RNF213: variants seen among roughly 807,000 people sequenced by gnomAD.
RNF213 encodes the protein ring finger protein 213, also known as E3 ubiquitin-protein ligase RNF213.
RNF213 carries 341 observed loss-of-function variants against 514.4 expected under a neutral mutation model. The observed-to-expected ratio is 0.66, with a 90% CI of 0.61 to 0.73. The LOEUF is 0.73. Among genes scored for constraint, RNF213 ranks in the 30% least tolerant of loss-of-function variants. The pLI is 0.00. For synonymous variants in RNF213, 2,655 were observed against 2,658.2 expected (o/e 1.00, Z 0.04); for missense variants, 5,767 against 6,615.6 (o/e 0.87, Z 4.45).
chr17:80,362,989 C>G (rs115641751), intron 39 of RNF213, 113 bp from the exon 40 acceptor site: 1 of 1,020,598 alleles, frequency 9.8e-7, no homozygotes, highest in Non-Finnish European at 1.5e-6. Context: ...GAATAGCACA[C>G]ATGGTTTCTA....
intron 44 of RNF213, 123 bp downstream of exon 44, chr17:80,368,266 T>C (rs2079360109): frequency 9.4e-7 from 1 of 1,068,052 alleles, no homozygotes; most frequent in East Asian, 2.4e-5. Flanking sequence ...CTCAGAGAAC[T>C]ATCATAAGAG....
chr17:80,384,933 G>T (rs946583926), intron 59 of RNF213, 106 bp from the exon 60 acceptor site: 23 of 1,215,002 alleles, frequency 1.9e-5, no homozygotes, highest in Middle Eastern at 2.0e-4. Context: ...ACACTGACCA[G>T]ATTAAGCTAC....
intron 1 of RNF213, 60 bp downstream of exon 1, chr17:80,260,962 C>CGCGGGCCG (rs1192542757): frequency 6.7e-6 from 1 of 150,034 alleles, no homozygotes; most frequent in African/African-American, 2.4e-5. Flanking sequence ...CAGTGGGCCC[C>CGCGGGCCG]GCGGGCCGGC....
intron 38 of RNF213, among the ~76,000 whole-genome samples, chr17:80,361,326 C>A (rs1303488311): frequency 6.6e-6 from 1 of 152,178 alleles, no homozygotes; most frequent in African/African-American, 2.4e-5. Flanking sequence ...CGAGACCAGC[C>A]TGACCAACAT....
intron 8 of RNF213, chr17:80,292,156 C>G: frequency 2.5e-6 from 1 of 397,412 alleles, no homozygotes; most frequent in Non-Finnish European, 4.8e-6. Context: ...GCGATCTCGG[C>G]TCACTGCAAC....
At position 80,398,163 on chromosome 17, in the gene RNF213, T is replaced by C. The variant is rs548012266; in HGVS notation, c.*4665T>C. 3.9e-5 allele frequency: 6 copies of C among 152,110 alleles called. No individual in the cohort carries two copies. The highest frequency in any genetic ancestry group is 6.6e-5 in the Admixed American group (1 of 15,248). 9.4% of individuals were successfully genotyped at this position (152,110 alleles called of 1,614,324 possible). ...TGTTTTTGACTTGACTTGGATTGCT[T>C]GATACTTTGGTTTTGGTTTTGACCT... is the stretch of plus-strand genomic sequence containing the variant. On this transcript the variant is annotated 3_prime_UTR_variant, in exon 68 of 68. Transcript: ENST00000582970.
In RNF213 at chr17:80,371,908, T is replaced by G. The variant is rs777962336; in HGVS notation, c.12460T>G (p.Leu4154Val). The G allele has an allele frequency of 1.8e-5, 28 of 1,568,030 alleles. No individual in the cohort carries two copies. Among genetic ancestry groups the G allele is most frequent in the Non-Finnish European group, 2.5e-5 (28 of 1,138,000 alleles). ...TGTAAAAGATTATATTCAGGAATAT[T>G]TGACCCTGTTAAAAAAGAAAGCATT... Reference protein sequence around the residue: ...HDVKDYIQEYLTLLKKKAFIT... With the variant: ...HDVKDYIQEYVTLLKKKAFIT... Residue 4154 changes from leucine (L) to valine (V), a missense_variant, in exon 47 of 68, where the codon TTG becomes GTG. By Grantham distance (32) the Leu-to-Val change is conservative (BLOSUM62 1). This residue lies in a region of RNF213 where 1,245 missense variants were observed against 1,339.0 expected (regional missense o/e 0.93). Coordinates refer to ENST00000582970, the MANE Select transcript of RNF213 (RefSeq NM_001256071.3).
rs74900260 is a variant in RNF213 at position 80,283,167 on chromosome 17, A to G, written c.262-4648A>G. ...TCAAAGAAGACTATGAAACTGTTCAATGGAAAAGCAGACAGCAGGAGGCAC... is the reference window on the plus strand; with the variant it reads ...TCAAAGAAGACTATGAAACTGTTCAGTGGAAAAGCAGACAGCAGGAGGCAC... On this transcript the variant is annotated intron_variant, in intron 3 of 67. Transcript: ENST00000582970. 2.6e-5 allele frequency among the ~76,000 whole-genome samples: 4 copies of G among 152,072 alleles called. No homozygotes were observed. The East Asian group carries it at 5.8e-4, about 22-fold the overall frequency.
In RNF213 at chr17:80,345,792, T is replaced by C. The variant is rs1367207505; in HGVS notation, c.7457T>C (p.Phe2486Ser). The C allele has an allele frequency of 2.5e-6, 4 of 1,614,186 alleles. No individual in the cohort carries two copies. Among genetic ancestry groups the C allele is most frequent in the Non-Finnish European group, 3.4e-6 (4 of 1,180,038 alleles). ...DQHQLDTILF[F>S]DEANTTEAIS... ...CATCAGTTGGACACCATCTTGTTTT[T>C]TGATGAAGCCAACACAACGGAAGCT... is the stretch of plus-strand genomic sequence containing the variant. Residue 2486 changes from phenylalanine (F) to serine (S), a missense_variant, in exon 29 of 68, where the codon TTT (phenylalanine) becomes TCT (serine). Physicochemically the swap from Phe to Ser is radical, Grantham distance 155. Coordinates refer to ENST00000582970, the MANE Select transcript of RNF213 (RefSeq NM_001256071.3). This position sits in a 1 kb window ranked among gnomAD's most constrained non-coding sequence, Gnocchi z 6.0.
rs376523817 is a variant in RNF213 at position 80,367,759 on chromosome 17, G to T, written c.11883G>T (p.Glu3961Asp). ...CTGCCTTTCTTCAGTGTCTTCGAGA[G>T]AACTCTGACGTGAAGACGCACGGGC... ...HVFLLDKCLR[E>D]NSDVKTHGPF... Residue 3961 changes from glutamate to aspartate, a missense_variant, in exon 43 of 68, where the codon GAG becomes GAT. Glu to Asp is a conservative substitution (Grantham distance 45, BLOSUM62 2). This residue lies in a region of RNF213 where 355 missense variants were observed against 358.0 expected (regional missense o/e 0.99). Transcript: ENST00000582970. The T allele has an allele frequency of 2.3e-4, 368 of 1,613,926 alleles. No individual in the cohort carries two copies. The highest frequency in any genetic ancestry group is 3.1e-4 in the Non-Finnish European group (360 of 1,179,934).
chr17:80,388,719 G>T, intron 64 of RNF213, 30 bp downstream of exon 64: 1 of 1,493,446 alleles, frequency 6.7e-7, no homozygotes, highest in Non-Finnish European at 9.3e-7. Context: ...TCCTGTGCAC[G>T]GGGCTTTCTG....
At chr17:80,368,991 C>T (rs1486616540) in intron 44 of RNF213, among the ~76,000 whole-genome samples, 1 of 152,118 alleles carries the variant, frequency 6.6e-6, no homozygotes, top group African/African-American at 2.4e-5. Flanking sequence ...GTATTGTTGC[C>T]GGGTCCAAAT....
chr17:80,315,761 T>TGGAGGTAATGGA (rs1272387819), intron 15 of RNF213: 3 of 20,030 alleles, frequency 1.5e-4, no homozygotes, highest in Non-Finnish European at 2.3e-4. Context: ...GAGGTGACAG[T>TGGAGGTAATGGA]GGTGATGCTG....
chr17:80,315,252 G>GTGA (rs1187514426), intron 15 of RNF213, among the ~76,000 whole-genome samples: 2 of 32,842 alleles, frequency 6.1e-5, no homozygotes, highest in Non-Finnish European at 1.0e-4. Flanking sequence ...GATGGTGGTG[G>GTGA]ACGTGATGGT....
chr17:80,357,417 A>G (rs1599115979), intron 36 of RNF213, among the ~76,000 whole-genome samples: 1 of 151,928 alleles, frequency 6.6e-6, no homozygotes, highest in African/African-American at 2.4e-5. Context: ...CTATCCATCC[A>G]CCTGTCTATC....
intron 42 of RNF213, chr17:80,364,988 C>G (rs1340187276): frequency 3.8e-6 from 1 of 265,190 alleles, no homozygotes; most frequent in African/African-American, 2.2e-5. Flanking sequence ...GTGCTGTCAA[C>G]AGAACCAAGG....
rs1599181173 is a variant in RNF213 at position 80,377,903 on chromosome 17, C to T, written c.13545+107C>T. Reference sequence around the variant, plus strand: ...TGAGGCTCTCGGCCTTCCAGGAGAGCACAGGCTCACCGAGGACTGCCCAGG... The same window carrying T: ...TGAGGCTCTCGGCCTTCCAGGAGAGTACAGGCTCACCGAGGACTGCCCAGG... On this transcript the variant is annotated intron_variant, in intron 54 of 67. Coordinates refer to ENST00000582970, the MANE Select transcript of RNF213 (RefSeq NM_001256071.3). The surrounding 1 kb of genome is among the most constrained non-coding windows in gnomAD (Gnocchi z 4.1). 1 of 1,299,456 alleles carries T rather than the reference C, an allele frequency of 7.7e-7. No individual in the cohort carries two copies. The highest frequency in any genetic ancestry group is 1.1e-6 in the Non-Finnish European group (1 of 894,950). The allele number at this position is 1,299,456 out of a possible 1,614,324, so 80.5% of individuals were successfully genotyped here. A position where few individuals can be genotyped will look rare whatever the true frequency, so the allele number is the denominator to read the frequency against.
Position 80,349,904 on chromosome 17 carries a change from C to T in RNF213, c.10086C>T (p.Val3362=). ...FDTEYSFLKE[V]RNCLTNTAKC... is the part of the protein sequence containing the mutation. ...CCGAGTACTCATTCCTCAAAGAAGT[C>T]CGGTGAGGTTCCCTGCCTTCCCTGC... Residue 3362 remains valine (V), a splice_region_variant and synonymous_variant, in exon 30 of 68, where the codon GTC becomes GTT. Transcript: ENST00000582970. The T allele has an allele frequency of 1.2e-6, 2 of 1,613,296 alleles. No individual in the cohort carries two copies. The highest frequency in any genetic ancestry group is 1.7e-6 in the Non-Finnish European group (2 of 1,179,860).
chr17:80,320,001 C>A, intron 17 of RNF213: 1 of 1,027,446 alleles, frequency 9.7e-7, no homozygotes, highest in Non-Finnish European at 1.2e-6. Flanking sequence ...GTTTTCCTTT[C>A]CCTTTTTCGT....
Sources: gnomAD v4.1 joint callset for allele counts (sites outside exome capture counted in the v4.1 genomes callset) on GRCh38, gnomAD v4.1.1 for gene constraint, gnomAD v4.1.1 regional missense constraint, Gnocchi (gnomAD v3.1) non-coding constraint, MANE v1.5 for transcripts, NCBI Gene and HGNC (gene_info 2026-07-23, HGNC 2026-07-21) for gene names.